The following NXN variants were observed in gnomAD, a reference collection of about 807,000 sequenced individuals.
The protein encoded by NXN is nucleoredoxin.
A neutral mutation model predicts 48.6 loss-of-function variants in NXN; 16 were observed. The observed-to-expected ratio is 0.33, with a 90% CI of 0.22 to 0.50. The LOEUF is 0.50. NXN is among the 20% of genes least tolerant of loss of function. The pLI is 0.98. For missense variants in NXN, 492 were observed against 605.5 expected (o/e 0.81, Z 1.97); for synonymous variants, 281 against 269.6 (o/e 1.04, Z -0.41).
chr17:883,875 G>T (rs1346113151), intron 1 of NXN, among the ~76,000 whole-genome samples: 2 of 152,100 alleles, frequency 1.3e-5, no homozygotes, highest in Admixed American at 6.6e-5. Flanking sequence ...GGAGTTTAAG[G>T]CCAGCCTGAG....
At position 849,921 on chromosome 17, in the gene NXN, C is replaced by G. The variant is rs545813757; in HGVS notation, c.361-23843G>C. ...GAAGCTGCAGAGCCCCCAAGGAGCC[C>G]GAGAGCGACCTGCTCCTGAAACCCC... On this transcript the variant is annotated intron_variant, in intron 1 of 7. Transcript: ENST00000336868. This position sits in a 1 kb window ranked among gnomAD's most constrained non-coding sequence, Gnocchi z 4.2. 3.3e-5 allele frequency among the ~76,000 whole-genome samples: 5 copies of G among 152,040 alleles called. No individual in the cohort carries two copies. Among genetic ancestry groups the G allele is most frequent in the African/African-American group, 1.2e-4 (5 of 41,372 alleles).
At chr17:876,913 T>C (rs1597685811) in intron 1 of NXN, among the ~76,000 whole-genome samples, 1 of 151,708 alleles carries the variant, frequency 6.6e-6, no homozygotes, top group East Asian at 2.0e-4. Flanking sequence ...CCGGGTATGG[T>C]GGCGGTCGCC....
At chr17:944,999 G>A (rs75768579) in intron 1 of NXN, among the ~76,000 whole-genome samples, 6,407 of 152,140 alleles carry the variant, frequency 0.042, 308 homozygotes, top group African/African-American at 0.11. Flanking sequence ...AAAGGGCTCC[G>A]CAGAGGAGAA....
intron 1 of NXN, among the ~76,000 whole-genome samples, chr17:948,824 G>T (rs9747533): frequency 4.1e-5 from 2 of 49,010 alleles, no homozygotes; most frequent in East Asian, 8.1e-4. Flanking sequence ...TCCTCTCCCC[G>T]CGGCCTCCTC....
chr17:972,172 TGC>T (rs1208926877), intron 1 of NXN, among the ~76,000 whole-genome samples: 3 of 151,634 alleles, frequency 2.0e-5, no homozygotes, highest in African/African-American at 2.4e-5. Context: ...TGGTGGCACA[TGC>T]GCCTATAATC....
intron 1 of NXN, among the ~76,000 whole-genome samples, chr17:911,608 C>T (rs370805099): frequency 1.3e-5 from 2 of 151,234 alleles, no homozygotes; most frequent in African/African-American, 2.4e-5. Flanking sequence ...GGATTACAGC[C>T]GCCCACCACC....
chr17:938,457 G>A (rs528719548), intron 1 of NXN, among the ~76,000 whole-genome samples: 2 of 151,124 alleles, frequency 1.3e-5, no homozygotes, highest in East Asian at 1.9e-4. Context: ...TGAGGCAGGC[G>A]GATCACGAGG....
At chr17:896,686 C>T (rs966855199) in intron 1 of NXN, among the ~76,000 whole-genome samples, 4 of 152,166 alleles carry the variant, frequency 2.6e-5, no homozygotes, top group South Asian at 2.1e-4. Flanking sequence ...TTAGTCACCC[C>T]GGCCCAAGGA....
At chr17:832,142 C>T (rs965472049) in intron 1 of NXN, among the ~76,000 whole-genome samples, 1 of 151,384 alleles carries the variant, frequency 6.6e-6, no homozygotes, top group Non-Finnish European at 1.5e-5. Flanking sequence ...CCCTATTACC[C>T]TTCAAACGTA....
chr17:838,249 C>T (rs544961180), intron 1 of NXN, among the ~76,000 whole-genome samples: 9 of 151,048 alleles, frequency 6.0e-5, no homozygotes, highest in East Asian at 2.0e-4. Context: ...CTTCTGCCTC[C>T]GCCTCCCGAG....
rs769413488 is a variant in NXN at position 932,664 on chromosome 17, C to T, written c.360+46655G>A. Reference sequence around the variant, plus strand: ...GGGGTCAGCAGCAAGGACCCATCACCGGAAGAGGCTTCTGAGAGGCACCGA... The same window carrying T: ...GGGGTCAGCAGCAAGGACCCATCACTGGAAGAGGCTTCTGAGAGGCACCGA... On this transcript the variant is annotated intron_variant, in intron 1 of 7. Coordinates refer to ENST00000336868, the MANE Select transcript of NXN (RefSeq NM_022463.5). The surrounding 1 kb of genome is among the most constrained non-coding windows in gnomAD (Gnocchi z 4.1). Among the ~76,000 whole-genome samples the T allele has an allele frequency of 6.6e-6, 1 of 152,166 alleles. No homozygotes were observed. Among genetic ancestry groups the T allele is most frequent in the Non-Finnish European group, 1.5e-5 (1 of 68,038 alleles).
At chr17:933,161 G>GTACTCCAGAT (rs112610460) in intron 1 of NXN, among the ~76,000 whole-genome samples, 16,108 of 151,988 alleles carry the variant, frequency 0.11, 1,047 homozygotes, top group Middle Eastern at 0.24. Flanking sequence ...ATGTGATTCT[G>GTACTCCAGAT]TACTCCAGAT....
chr17:895,622 C>A (rs1212868706), intron 1 of NXN, among the ~76,000 whole-genome samples: 1 of 145,968 alleles, frequency 6.9e-6, no homozygotes, highest in Non-Finnish European at 1.5e-5. Context: ...ACCATCCTGG[C>A]TAACACGGTG....
chr17:870,348 G>A (rs1252926188), intron 1 of NXN, among the ~76,000 whole-genome samples: 1 of 152,166 alleles, frequency 6.6e-6, no homozygotes, highest in Admixed American at 6.6e-5. Flanking sequence ...AAGGTACCGT[G>A]GGACGTGGGT....
At chr17:851,216 G>A (rs1238809673) in intron 1 of NXN, among the ~76,000 whole-genome samples, 5 of 152,338 alleles carry the variant, frequency 3.3e-5, no homozygotes, top group East Asian at 3.9e-4. Context: ...GGATGCGGTG[G>A]GGAGGCCGGG....
rs1264257199 is a variant in NXN, at chr17:909,111, A to C, written c.360+70208T>G. On this transcript the variant is annotated intron_variant, in intron 1 of 7. Coordinates refer to ENST00000336868, the MANE Select transcript of NXN (RefSeq NM_022463.5). ...GAGACTTCGTCTCAAAAAAAAAAAA[A>C]AAAAAAAAAAAAAAAACACTCCCTG... Among the ~76,000 whole-genome samples the C allele has an allele frequency of 3.0e-3, 100 of 33,808 alleles. 1 individual carries two copies. Among genetic ancestry groups the C allele is most frequent in the African/African-American group, 8.7e-3 (98 of 11,256 alleles). The allele number at this position is 33,808 out of a possible 152,430, so 22.2% of individuals were successfully genotyped here. A position where few individuals can be genotyped will look rare whatever the true frequency, so the allele number is the denominator to read the frequency against.
In NXN at chr17:833,759, C is replaced by T. The variant is rs568436769; in HGVS notation, c.361-7681G>A. On this transcript the variant is annotated intron_variant, in intron 1 of 7. Coordinates refer to ENST00000336868, the MANE Select transcript of NXN (RefSeq NM_022463.5). ...TGTCTTAAGAGTTCATGTCAGTGCACGTCTTGACCTTGATTCAACTGAGAG... is the reference window on the plus strand; with the variant it reads ...TGTCTTAAGAGTTCATGTCAGTGCATGTCTTGACCTTGATTCAACTGAGAG... 6.6e-5 allele frequency among the ~76,000 whole-genome samples: 10 copies of T among 152,296 alleles called. No individual in the cohort carries two copies. In the South Asian group the frequency reaches 1.0e-3, roughly 16 times the overall value.
intron 1 of NXN, among the ~76,000 whole-genome samples, chr17:855,836 G>A (rs939198835): frequency 8.5e-5 from 13 of 152,292 alleles, no homozygotes; most frequent in African/African-American, 2.9e-4. Context: ...AAAACCAGCA[G>A]AAAATGATTC....
intron 1 of NXN, among the ~76,000 whole-genome samples, chr17:840,564 C>A (rs1232407231): frequency 6.6e-6 from 1 of 152,194 alleles, no homozygotes; most frequent in African/African-American, 2.4e-5. Context: ...TGGTCTTGAT[C>A]TCCTGACCTC....
Sources: gnomAD v4.1 joint callset for allele counts (sites outside exome capture counted in the v4.1 genomes callset) on GRCh38, gnomAD v4.1.1 for gene constraint, Gnocchi (gnomAD v3.1) non-coding constraint, MANE v1.5 for transcripts, NCBI Gene and HGNC (gene_info 2026-07-23, HGNC 2026-07-21) for gene names.